LIMD1: variants seen among roughly 807,000 people sequenced by gnomAD.
The protein encoded by LIMD1 is LIM domain-containing protein 1.
A neutral mutation model predicts 58.4 loss-of-function variants in LIMD1; 23 were observed. The observed-to-expected ratio is 0.39, with a 90% CI of 0.28 to 0.56. LIMD1 has a LOEUF of 0.56. LIMD1 is among the 20% of genes least tolerant of loss of function. The pLI, the probability that LIMD1 is intolerant of heterozygous loss-of-function variation, is 0.57. For synonymous variants in LIMD1, 334 were observed against 345.5 expected (o/e 0.97, Z 0.37); for missense variants, 838 against 855.5 (o/e 0.98, Z 0.25).
At chr3:45,602,494 G>C (rs1398260682) in intron 1 of LIMD1, among the ~76,000 whole-genome samples, 1 of 152,160 alleles carries the variant, frequency 6.6e-6, no homozygotes, top group Non-Finnish European at 1.5e-5. Flanking sequence ...ATTGTGTTTG[G>C]TTTTTCTGTC....
intron 2 of LIMD1, among the ~76,000 whole-genome samples, chr3:45,639,766 G>A (rs759374031): frequency 7.2e-4 from 109 of 152,170 alleles, no homozygotes; most frequent in African/African-American, 1.8e-3. Context: ...GGGTTCAAGC[G>A]ATTCTCCTGC....
chr3:45,636,052 T>G, intron 1 of LIMD1, 98 bp from the exon 2 acceptor site: 1 of 1,568,342 alleles, frequency 6.4e-7, no homozygotes, highest in Non-Finnish European at 8.6e-7. Flanking sequence ...GGGCTGGCCA[T>G]GGGGAGGGAT....
chr3:45,646,420 C>A (rs1472037571), intron 2 of LIMD1, among the ~76,000 whole-genome samples: 2 of 152,186 alleles, frequency 1.3e-5, no homozygotes, highest in Non-Finnish European at 2.9e-5. Flanking sequence ...TTGGCTGTGG[C>A]CCTGCAGTGG....
At chr3:45,673,424 C>A in intron 5 of LIMD1, 30 bp from the exon 6 acceptor site, 1 of 1,606,940 alleles carries the variant, frequency 6.2e-7, no homozygotes, top group Non-Finnish European at 8.5e-7. Flanking sequence ...CCAGAAGCAA[C>A]ATTTATTGCT....
At chr3:45,638,274 C>CTTTA (rs147894728) in intron 2 of LIMD1, among the ~76,000 whole-genome samples, 1 of 152,092 alleles carries the variant, frequency 6.6e-6, no homozygotes, top group Non-Finnish European at 1.5e-5. Flanking sequence ...TTAGGCCCCC[C>CTTTA]TTTATTTATT....
intron 2 of LIMD1, among the ~76,000 whole-genome samples, chr3:45,643,212 G>A (rs115683209): frequency 0.03 from 4,613 of 152,246 alleles, 75 homozygotes; most frequent in Non-Finnish European, 0.041. Flanking sequence ...GAGGCCAGGC[G>A]TGGTGGCTCA....
At chr3:45,671,687 A>G (rs186485633) in intron 4 of LIMD1, among the ~76,000 whole-genome samples, 7 of 152,240 alleles carry the variant, frequency 4.6e-5, no homozygotes, top group Admixed American at 3.3e-4. Flanking sequence ...TAAAATACCA[A>G]CTGCTGGGCC....
chr3:45,595,146 T>C lies in LIMD1; in HGVS notation c.267T>C (p.Arg89=). 6.2e-7 allele frequency: 1 copy of C among 1,605,220 alleles called. No individual in the cohort carries two copies. Among genetic ancestry groups the C allele is most frequent in the Non-Finnish European group, 8.5e-7 (1 of 1,175,298 alleles). ...GGGGCCGCCTGGGCCCACAGGCCCG[T>C]TGGGAAGTTGTGGGCAGCAAGCTGA... The part of the protein sequence containing the change: ...NGGGRLGPQA[R]WEVVGSKLTV... Residue 89 remains arginine, a synonymous_variant, in exon 1 of 8, where the codon CGT becomes CGC. Coordinates refer to ENST00000273317, the MANE Select transcript of LIMD1 (RefSeq NM_014240.3).
In LIMD1 at chr3:45,596,032, C is replaced by T; in HGVS notation, c.1153C>T (p.Pro385Ser). ...CCTTGGCACTGGTCCCAAGCTCAGC[C>T]CCACCAGTCTTGTCCATCCAGTGAT... ...TDLGTGPKLS[P>S]TSLVHPVMST... The change falls in exon 1 of 8, where the codon CCC (proline) becomes TCC (serine). Residue 385 changes from proline (P) to serine (S), a missense_variant. By Grantham distance (74) the Pro-to-Ser change is moderately conservative (BLOSUM62 -1). This residue lies in a region of LIMD1 where 659 missense variants were observed against 639.8 expected (regional missense o/e 1.03). Coordinates refer to ENST00000273317, the MANE Select transcript of LIMD1 (RefSeq NM_014240.3). 1 of 1,614,242 alleles carries T rather than the reference C, an allele frequency of 6.2e-7. No homozygotes were observed. Among genetic ancestry groups the T allele is most frequent in the Non-Finnish European group, 8.5e-7 (1 of 1,180,052 alleles).
chr3:45,602,997 T>C (rs902225000), intron 1 of LIMD1, among the ~76,000 whole-genome samples: 2 of 152,064 alleles, frequency 1.3e-5, no homozygotes. Context: ...CGCACCACCA[T>C]GCCCGGCTAA....
At chr3:45,608,043 G>A (rs984858394) in intron 1 of LIMD1, among the ~76,000 whole-genome samples, 19 of 152,232 alleles carry the variant, frequency 1.2e-4, no homozygotes, top group Admixed American at 7.2e-4. Flanking sequence ...GAAAGAAATG[G>A]AATTGGGGGC....
rs139204119 is a variant in LIMD1 at position 45,615,886 on chromosome 3, G to A, written c.1408+19599G>A. On this transcript the variant is annotated intron_variant, in intron 1 of 7. Coordinates refer to ENST00000273317, the MANE Select transcript of LIMD1 (RefSeq NM_014240.3). ...GGGTACCTTTTACATGGGAGTTTTC[G>A]TCTCCTGAAGATGAAGATGCCCTTC... 3.9e-3 allele frequency among the ~76,000 whole-genome samples: 590 copies of A among 151,294 alleles called. 2 individuals are homozygous for A. The highest frequency in any genetic ancestry group is 6.4e-3 in the Non-Finnish European group (433 of 67,958).
chr3:45,646,427 G>T (rs1488061928), intron 2 of LIMD1, among the ~76,000 whole-genome samples: 1 of 152,208 alleles, frequency 6.6e-6, no homozygotes, highest in Non-Finnish European at 1.5e-5. Flanking sequence ...TGGCCCTGCA[G>T]TGGGCCTCAC....
At chr3:45,636,106 A>C in intron 1 of LIMD1, 44 bp from the exon 2 acceptor site, 3 of 1,609,270 alleles carry the variant, frequency 1.9e-6, no homozygotes, top group Non-Finnish European at 1.7e-6. Context: ...CTCAGTTTAC[A>C]CTGGTTCCCT....
intron 2 of LIMD1, among the ~76,000 whole-genome samples, chr3:45,652,891 A>G (rs1487950708): frequency 6.6e-6 from 1 of 152,214 alleles, no homozygotes; most frequent in Non-Finnish European, 1.5e-5. Context: ...AATAGGGGAA[A>G]TGGAAAACTA....
At position 45,651,170 on chromosome 3, in the gene LIMD1, T is replaced by G. The variant is rs138745900; in HGVS notation, c.1511-14480T>G. 3.0e-3 allele frequency among the ~76,000 whole-genome samples: 451 copies of G among 152,316 alleles called. 1 individual carries two copies. The highest frequency in any genetic ancestry group is 0.01 in the African/African-American group (433 of 41,550). On this transcript the variant is annotated intron_variant, in intron 2 of 7. Transcript: ENST00000273317. ...GTGTCTGTTCATATCCTTTGCACACTTTTTGATGGGGTTGTTGTTTTCTTG... is the reference window on the plus strand; with the variant it reads ...GTGTCTGTTCATATCCTTTGCACACGTTTTGATGGGGTTGTTGTTTTCTTG...
intron 2 of LIMD1, among the ~76,000 whole-genome samples, chr3:45,655,811 G>A (rs189239345): frequency 1.2e-4 from 18 of 152,214 alleles, no homozygotes; most frequent in African/African-American, 4.1e-4. Flanking sequence ...ACGTCTCTAC[G>A]TATGAGCCGC....
intron 1 of LIMD1, among the ~76,000 whole-genome samples, chr3:45,599,010 A>C (rs1199445888): frequency 1.3e-5 from 2 of 152,196 alleles, no homozygotes; most frequent in Non-Finnish European, 2.9e-5. Flanking sequence ...TGGCGGTGTC[A>C]CAGGTCATAT....
At chr3:45,655,342 A>G (rs1417963420) in intron 2 of LIMD1, among the ~76,000 whole-genome samples, 1 of 152,220 alleles carries the variant, frequency 6.6e-6, no homozygotes, top group Admixed American at 6.5e-5. Context: ...ATCATCAGCT[A>G]TTTCCTAGTG....
Sources: allele counts gnomAD v4.1 joint callset (sites outside exome capture counted in the v4.1 genomes callset), GRCh38; gene constraint gnomAD v4.1.1; regional missense constraint gnomAD v4.1.1; transcripts MANE v1.5; gene names NCBI Gene and HGNC (gene_info 2026-07-23, HGNC 2026-07-21).